The following NT5DC1 variants were observed in gnomAD, a reference collection of about 807,000 sequenced individuals.
NT5DC1 encodes the protein 5'-nucleotidase domain containing 1.
A neutral mutation model predicts 59.4 loss-of-function variants in NT5DC1; 42 were observed. The ratio of observed to expected loss-of-function variants is 0.71; its 90% CI spans 0.55 to 0.92. The LOEUF (loss-of-function observed/expected upper bound fraction) is 0.92. Among genes scored for constraint, NT5DC1 ranks in the 40% least tolerant of loss-of-function variants. The pLI, the probability that NT5DC1 is intolerant of heterozygous loss-of-function variation, is 0.00. For missense variants in NT5DC1, 501 were observed against 537.1 expected (o/e 0.93, Z 0.66); for synonymous variants, 172 against 188.1 (o/e 0.91, Z 0.70).
chr6:116,103,906 T>C (rs1053155588), intron 1 of NT5DC1, among the ~76,000 whole-genome samples: 3 of 152,182 alleles, frequency 2.0e-5, no homozygotes, highest in Non-Finnish European at 4.4e-5. Flanking sequence ...AAAAAATTAT[T>C]TGTTTTTTAT....
At chr6:116,138,645 T>G (rs1201390859) in intron 6 of NT5DC1, among the ~76,000 whole-genome samples, 1 of 152,220 alleles carries the variant, frequency 6.6e-6, no homozygotes, top group East Asian at 1.9e-4. Context: ...GTTATAATGA[T>G]TAAAAGGCAG....
At chr6:116,121,449 C>T (rs759656228) in intron 6 of NT5DC1, 6 of 1,614,174 alleles carry the variant, frequency 3.7e-6, no homozygotes, top group South Asian at 3.3e-5. Context: ...CCATTTTCAC[C>T]TCTTTTTCCC....
At chr6:116,123,379 C>G (rs1184058810) in intron 6 of NT5DC1, among the ~76,000 whole-genome samples, 2 of 152,190 alleles carry the variant, frequency 1.3e-5, no homozygotes, top group African/African-American at 4.8e-5. Flanking sequence ...AGGTTGTCAT[C>G]TGAAAAAATT....
At chr6:116,134,891 G>C (rs1779551664) in intron 6 of NT5DC1, among the ~76,000 whole-genome samples, 2 of 152,142 alleles carry the variant, frequency 1.3e-5, no homozygotes, top group African/African-American at 2.4e-5. Context: ...GGTTGGGCCT[G>C]AGATGGAAAG....
intron 3 of NT5DC1, 151 bp from the exon 4 acceptor site, chr6:116,110,699 A>G (rs1203273761): frequency 4.2e-6 from 3 of 707,324 alleles, no homozygotes; most frequent in Non-Finnish European, 7.7e-6. Context: ...GCTTTACAGA[A>G]TCCTAAACAG....
chr6:116,200,362 G>A (rs1442720062), intron 6 of NT5DC1, among the ~76,000 whole-genome samples: 6 of 151,848 alleles, frequency 4.0e-5, no homozygotes, highest in African/African-American at 1.5e-4. Flanking sequence ...AGAGACATTA[G>A]GTAAAAATTA....
At chr6:116,175,113 A>G (rs993842486) in intron 6 of NT5DC1, among the ~76,000 whole-genome samples, 2 of 152,186 alleles carry the variant, frequency 1.3e-5, no homozygotes, top group Non-Finnish European at 1.5e-5. Context: ...TTTATATACA[A>G]TAAAATATGT....
chr6:116,215,898 C>T (rs186670635), intron 6 of NT5DC1, among the ~76,000 whole-genome samples: 107 of 152,222 alleles, frequency 7.0e-4, no homozygotes, highest in Non-Finnish European at 1.2e-3. Flanking sequence ...GTATTCAGCA[C>T]AGAGTCAGGC....
chr6:116,213,065 G>C (rs17503192), intron 6 of NT5DC1, among the ~76,000 whole-genome samples: 6,938 of 152,126 alleles, frequency 0.046, 179 homozygotes, highest in Non-Finnish European at 0.059. Flanking sequence ...AATTAAAATT[G>C]GGACTTTATT....
intron 6 of NT5DC1, among the ~76,000 whole-genome samples, chr6:116,151,533 A>G (rs1780037695): frequency 6.6e-6 from 1 of 152,228 alleles, no homozygotes; most frequent in South Asian, 2.1e-4. Flanking sequence ...TAAATTCGTT[A>G]ATATAAGACT....
chr6:116,198,325 T>G (rs539995049), intron 6 of NT5DC1, among the ~76,000 whole-genome samples: 1 of 152,188 alleles, frequency 6.6e-6, no homozygotes, highest in East Asian at 1.9e-4. Context: ...ATGGCTTATA[T>G]GGAGATAGGC....
At chr6:116,203,245 C>A (rs902839406) in intron 6 of NT5DC1, among the ~76,000 whole-genome samples, 1 of 151,830 alleles carries the variant, frequency 6.6e-6, no homozygotes, top group Non-Finnish European at 1.5e-5. Context: ...TATTCTATTT[C>A]TTGGATTCAT....
In NT5DC1 at chr6:116,173,256, C is replaced by G. The variant is rs181171697; in HGVS notation, c.530-47798C>G. ...TCCTTACCACTCAACTTGAAATACA[C>G]ATGGAGCTGCTCCACGTTTTATTTT... On this transcript the variant is annotated intron_variant, in intron 6 of 11. Transcript: ENST00000319550. Among the ~76,000 whole-genome samples the G allele has an allele frequency of 1.6e-3, 245 of 152,298 alleles. 3 individuals carry two copies. The highest frequency in any genetic ancestry group is 0.013 in the Admixed American group (192 of 15,294).
chr6:116,121,544 A>G (rs764919633), intron 6 of NT5DC1: 1 of 1,613,326 alleles, frequency 6.2e-7, no homozygotes, highest in South Asian at 1.1e-5. Context: ...ACCATATCCC[A>G]TTTCCCCTTT....
At chr6:116,105,164 A>G (rs1235727809) in intron 1 of NT5DC1, among the ~76,000 whole-genome samples, 1 of 152,162 alleles carries the variant, frequency 6.6e-6, no homozygotes, top group Non-Finnish European at 1.5e-5. Flanking sequence ...TGCTTTCTCC[A>G]TGCTCATATC....
In NT5DC1 at chr6:116,129,033, C is replaced by A. The variant is rs117722022; in HGVS notation, c.529+11088C>A. 3.2e-3 allele frequency among the ~76,000 whole-genome samples: 491 copies of A among 152,242 alleles called. 1 individual carries two copies. The highest frequency in any genetic ancestry group is 9.4e-3 in the Admixed American group (144 of 15,278). On this transcript the variant is annotated intron_variant, in intron 6 of 11. Transcript: ENST00000319550. The stretch of plus-strand genomic sequence containing the variant: ...GCTGTCACTCAATTCTCTTTTCATT[C>A]ACCACTCCTTCAAATTTTGAAGTAA...
At chr6:116,120,056 A>G in intron 6 of NT5DC1, 13 of 1,476,084 alleles carry the variant, frequency 8.8e-6, no homozygotes, top group Non-Finnish European at 1.2e-5. Flanking sequence ...CAAGATTTAG[A>G]TTAGCTCTGT....
intron 6 of NT5DC1, among the ~76,000 whole-genome samples, chr6:116,163,033 A>G (rs551901905): frequency 5.1e-4 from 77 of 150,484 alleles, no homozygotes; most frequent in African/African-American, 1.8e-3. Context: ...AAGCTGAGGC[A>G]GGAGAATGGC....
intron 8 of NT5DC1, among the ~76,000 whole-genome samples, chr6:116,226,238 AC>A (rs561973307): frequency 3.9e-4 from 59 of 152,262 alleles, no homozygotes; most frequent in Non-Finnish European, 2.5e-4. Flanking sequence ...ATAAGTAAGT[AC>A]CCAATAAATA....
Sources: gnomAD v4.1 joint callset for allele counts (sites outside exome capture counted in the v4.1 genomes callset) on GRCh38, gnomAD v4.1.1 for gene constraint, MANE v1.5 for transcripts, NCBI Gene and HGNC (gene_info 2026-07-23, HGNC 2026-07-21) for gene names.